TENM3: variants seen among roughly 807,000 people sequenced by gnomAD.
TENM3 encodes the protein teneurin transmembrane protein 3.
TENM3 carries 63 observed loss-of-function variants against 255.1 expected under a neutral mutation model. The observed-to-expected ratio is 0.25, with a 90% CI of 0.20 to 0.30. TENM3 has a LOEUF of 0.30. TENM3 is among the 10% of genes least tolerant of loss of function. The pLI, the probability that TENM3 is intolerant of heterozygous loss-of-function variation, is 1.00. For synonymous variants in TENM3, 1,306 were observed against 1,322.3 expected (o/e 0.99, Z 0.27); for missense variants, 2,929 against 3,461.1 (o/e 0.85, Z 3.86).
chr4:182,024,572 C>T, the TENM3 span, among the ~76,000 whole-genome samples: 4 of 152,044 alleles, frequency 2.6e-5, no homozygotes, highest in Non-Finnish European at 5.9e-5. Flanking sequence ...TATGTGGGTA[C>T]ATAGCAGGTG....
the TENM3 span, among the ~76,000 whole-genome samples, chr4:181,511,833 C>T: frequency 1.1e-3 from 163 of 152,090 alleles, no homozygotes; most frequent in African/African-American, 3.6e-3. Flanking sequence ...TATCCAGTCA[C>T]GGAAAACATT....
At chr4:182,100,648 CACATATATACACATATAT>C in the TENM3 span, among the ~76,000 whole-genome samples, 3 of 84,028 alleles carry the variant, frequency 3.6e-5, no homozygotes, top group East Asian at 6.4e-4. Flanking sequence ...CATATATATA[CACATATATACACATATAT>C]ACACATATAT....
the TENM3 span, among the ~76,000 whole-genome samples, chr4:181,658,071 A>G: frequency 1.3e-5 from 2 of 152,198 alleles, no homozygotes; most frequent in African/African-American, 4.8e-5. Context: ...TGAGATCCAT[A>G]GAAGCCCAAA....
At chr4:182,280,203 G>A (rs748153783) in intron 1 of TENM3, among the ~76,000 whole-genome samples, 4 of 152,208 alleles carry the variant, frequency 2.6e-5, no homozygotes, top group Non-Finnish European at 4.4e-5. Context: ...ACTTTAGTGA[G>A]GCCCCTGCTT....
chr4:182,655,221 G>C (rs1383779915), intron 6 of TENM3, among the ~76,000 whole-genome samples: 2 of 152,158 alleles, frequency 1.3e-5, no homozygotes, highest in Non-Finnish European at 2.9e-5. Context: ...AATTTAGACT[G>C]TCTCTTAAAA....
At chr4:182,158,235 T>C (rs1383554239) in intron 1 of TENM3, among the ~76,000 whole-genome samples, 2 of 152,214 alleles carry the variant, frequency 1.3e-5, no homozygotes, top group African/African-American at 4.8e-5. Context: ...TGCCAGAAGA[T>C]GGATTGTGTG....
At chr4:182,465,536 G>A (rs28548877) in intron 3 of TENM3, among the ~76,000 whole-genome samples, 2,098 of 152,108 alleles carry the variant, frequency 0.014, 50 homozygotes, top group African/African-American at 0.048. Flanking sequence ...AACCCACCCC[G>A]TTTATGGAAT....
Position 182,780,994 on chromosome 4 carries a change from G to A in TENM3, c.5304+5841G>A, listed in dbSNP as rs1222455614. On this transcript the variant is annotated intron_variant, in intron 24 of 27. Coordinates refer to ENST00000511685, the MANE Select transcript of TENM3 (RefSeq NM_001080477.4). Reference sequence around the variant, plus strand: ...GGTTTTCTAGATATACAATCATGTCGTCTGCAAACAGGGACAATTTGACTT... The same window carrying A: ...GGTTTTCTAGATATACAATCATGTCATCTGCAAACAGGGACAATTTGACTT... Among the ~76,000 whole-genome samples the A allele has an allele frequency of 1.2e-4, 18 of 150,922 alleles. No homozygotes were observed. In the South Asian group the frequency reaches 1.3e-3, roughly 11 times the overall value.
intron 3 of TENM3, among the ~76,000 whole-genome samples, chr4:182,389,747 G>A (rs1580384928): frequency 7.0e-6 from 1 of 142,818 alleles, no homozygotes; most frequent in South Asian, 2.2e-4. Context: ...GTGCAGTGGC[G>A]CGATCTCGGC....
intron 1 of TENM3, among the ~76,000 whole-genome samples, chr4:182,217,752 T>C (rs758327934): frequency 1.2e-4 from 18 of 152,208 alleles, no homozygotes; most frequent in Admixed American, 2.6e-4. Context: ...GTGCACAATA[T>C]GACTATTGCT....
chr4:182,066,590 T>TAAA, the TENM3 span, among the ~76,000 whole-genome samples: 44 of 136,316 alleles, frequency 3.2e-4, no homozygotes, highest in African/African-American at 1.1e-3. Flanking sequence ...AGAATTATGG[T>TAAA]AAAAAAAAAA....
rs1455654486 is a variant in TENM3 at position 182,800,421 on chromosome 4, C to G, written c.*70C>G. The G allele has an allele frequency of 3.4e-6, 5 of 1,462,370 alleles. No homozygotes were observed. The highest frequency in any genetic ancestry group is 4.5e-6 in the Non-Finnish European group (5 of 1,105,994). 90.6% of individuals were successfully genotyped at this position (1,462,370 alleles called of 1,614,324 possible). A position where few individuals can be genotyped will look rare whatever the true frequency, so the allele number is the denominator to read the frequency against. On this transcript the variant is annotated 3_prime_UTR_variant, in exon 28 of 28. Transcript: ENST00000511685. Reference sequence around the variant, plus strand: ...GTCCTGTGGCACAACCCGAGTGGGACTCTCCAACGCCCAAGAGCCTTCCTC... The same window carrying G: ...GTCCTGTGGCACAACCCGAGTGGGAGTCTCCAACGCCCAAGAGCCTTCCTC...
chr4:181,668,178 T>G, the TENM3 span, among the ~76,000 whole-genome samples: 1 of 152,182 alleles, frequency 6.6e-6, no homozygotes, highest in African/African-American at 2.4e-5. Context: ...TGTGAAGAAG[T>G]ACACATAAGC....
At chr4:181,562,951 A>G in the TENM3 span, among the ~76,000 whole-genome samples, 3 of 152,202 alleles carry the variant, frequency 2.0e-5, no homozygotes, top group African/African-American at 7.2e-5. Context: ...CTGGGATTAC[A>G]GGAGTGAGCC....
In TENM3 at chr4:182,799,832, G is replaced by A. The variant is rs759895127; in HGVS notation, c.7581G>A (p.Val2527=). The part of the protein sequence containing the change: ...ANEDCIKVAA[V]LNNAFYLENL... ...AGGACTGCATCAAGGTGGCGGCCGT[G>A]CTCAACAACGCCTTCTACCTGGAGA... The change falls in exon 28 of 28, where the codon GTG becomes GTA. Residue 2527 remains valine, a synonymous_variant. Coordinates refer to ENST00000511685, the MANE Select transcript of TENM3 (RefSeq NM_001080477.4). This position sits in a 1 kb window ranked among gnomAD's most constrained non-coding sequence, Gnocchi z 4.2. 4 of 1,610,526 alleles carry A rather than the reference G, an allele frequency of 2.5e-6. No homozygotes were observed. The highest frequency in any genetic ancestry group is 3.4e-6 in the Non-Finnish European group (4 of 1,178,700).
chr4:181,660,224 A>G, the TENM3 span, among the ~76,000 whole-genome samples: 1 of 152,184 alleles, frequency 6.6e-6, no homozygotes, highest in African/African-American at 2.4e-5. Flanking sequence ...TGTCAAGAAC[A>G]TGTACAACAC....
intron 3 of TENM3, among the ~76,000 whole-genome samples, chr4:182,358,504 A>T (rs1319558913): frequency 4.9e-5 from 2 of 41,070 alleles, no homozygotes; most frequent in African/African-American, 8.8e-5. Flanking sequence ...TTCCCTCATG[A>T]TTTGGCTCTC....
chr4:182,378,602 G>A (rs1368238103), intron 3 of TENM3, among the ~76,000 whole-genome samples: 1 of 152,172 alleles, frequency 6.6e-6, no homozygotes, highest in Non-Finnish European at 1.5e-5. Context: ...AAGAGCTAAT[G>A]GGAGCGCTGG....
chr4:182,644,975 T>G (rs1201124911), intron 5 of TENM3, among the ~76,000 whole-genome samples: 1 of 152,052 alleles, frequency 6.6e-6, no homozygotes, highest in Non-Finnish European at 1.5e-5. Context: ...AAAAGTATAC[T>G]CATTAATTTT....
Sources: allele counts gnomAD v4.1 joint callset (sites outside exome capture counted in the v4.1 genomes callset), GRCh38; gene constraint gnomAD v4.1.1; non-coding constraint Gnocchi (gnomAD v3.1); transcripts MANE v1.5; gene names NCBI Gene and HGNC (gene_info 2026-07-23, HGNC 2026-07-21).